SMYD3: variants seen among roughly 807,000 people sequenced by gnomAD.
The protein encoded by SMYD3 is SET and MYND domain containing 3.
SMYD3 carries 36 observed loss-of-function variants against 57.7 expected under a neutral mutation model. That is an observed-to-expected ratio of 0.62 (90% CI 0.48 to 0.82). The LOEUF (loss-of-function observed/expected upper bound fraction) is 0.82, where lower values mean the gene tolerates loss of function less well. SMYD3 is among the 40% of genes least tolerant of loss of function. The pLI is 0.00. For synonymous variants in SMYD3, 211 were observed against 195.0 expected (o/e 1.08, Z -0.68); for missense variants, 515 against 538.8 (o/e 0.96, Z 0.44).
intron 1 of SMYD3, among the ~76,000 whole-genome samples, chr1:246,375,268 CTT>C (rs1344955902): frequency 7.0e-6 from 1 of 142,508 alleles, no homozygotes; most frequent in Non-Finnish European, 1.5e-5. Flanking sequence ...TTCACAGTAA[CTT>C]TATAAAACAT....
At chr1:246,081,980 A>G (rs1349309432) in intron 5 of SMYD3, among the ~76,000 whole-genome samples, 4 of 152,208 alleles carry the variant, frequency 2.6e-5, no homozygotes, top group Non-Finnish European at 1.5e-5. Flanking sequence ...GGAGTTCTGA[A>G]ACCACGTTTG....
intron 5 of SMYD3, among the ~76,000 whole-genome samples, chr1:246,234,977 T>C (rs2063490019): frequency 6.6e-6 from 1 of 152,144 alleles, no homozygotes; most frequent in Non-Finnish European, 1.5e-5. Context: ...GGTGTGAAAA[T>C]GCACAGATTA....
chr1:246,091,048 T>G, intron 5 of SMYD3, among the ~76,000 whole-genome samples: 1 of 152,138 alleles, frequency 6.6e-6, no homozygotes, highest in Non-Finnish European at 1.5e-5. Context: ...GCCTAAATGT[T>G]AGAACCATAT....
intron 1 of SMYD3, among the ~76,000 whole-genome samples, chr1:246,377,774 A>T (rs1291298993): frequency 1.3e-5 from 2 of 152,200 alleles, no homozygotes; most frequent in Non-Finnish European, 2.9e-5. Context: ...ATTTCTTTAA[A>T]GTATGTATTC....
chr1:246,471,371 T>G (rs918207990), intron 1 of SMYD3, among the ~76,000 whole-genome samples: 1 of 151,470 alleles, frequency 6.6e-6, no homozygotes, highest in Admixed American at 6.6e-5. Flanking sequence ...GTTAATTCTG[T>G]TTTTTTGTAG....
chr1:246,302,562 T>TTA lies in SMYD3; in HGVS notation c.531+24637_531+24638dup, dbSNP rs535473185. Among the ~76,000 whole-genome samples the TTA allele has an allele frequency of 3.4e-4, 52 of 152,042 alleles. No homozygotes were observed. The South Asian group carries it at 8.1e-3, about 24-fold the overall frequency. On this transcript the variant is annotated intron_variant, in intron 5 of 11. Coordinates refer to ENST00000490107, the MANE Select transcript of SMYD3 (RefSeq NM_001167740.2). ...AGAAGACTACTTCTGTTACAATGAT[T>TTA]TATATATATATATTTCAAGTTTAAG...
chr1:245,763,979 G>T, intron 11 of SMYD3, 62 bp downstream of exon 11: 1 of 1,234,300 alleles, frequency 8.1e-7, no homozygotes, highest in Non-Finnish European at 1.2e-6. Flanking sequence ...TCACAAAGAG[G>T]CCCAGCAACA....
At chr1:245,913,513 T>TAA (rs1178301738) in intron 8 of SMYD3, among the ~76,000 whole-genome samples, 1 of 140,218 alleles carries the variant, frequency 7.1e-6, no homozygotes. Context: ...AACTATAATT[T>TAA]AAAAAAAAAA....
At chr1:245,759,149 T>C (rs775881570) in intron 11 of SMYD3, among the ~76,000 whole-genome samples, 2 of 152,228 alleles carry the variant, frequency 1.3e-5, no homozygotes, top group Non-Finnish European at 2.9e-5. Context: ...TTATCTTTTC[T>C]CTTTTTTGGT....
At chr1:245,895,730 T>G (rs762787400) in intron 8 of SMYD3, among the ~76,000 whole-genome samples, 1 of 152,238 alleles carries the variant, frequency 6.6e-6, no homozygotes, top group African/African-American at 2.4e-5. Flanking sequence ...ATAGCCCAGG[T>G]GATGTACAGC....
chr1:246,169,616 A>G (rs1020251256), intron 5 of SMYD3, among the ~76,000 whole-genome samples: 1 of 152,118 alleles, frequency 6.6e-6, no homozygotes, highest in Admixed American at 6.5e-5. Flanking sequence ...CCAGCTCTAA[A>G]GATACAGCAA....
intron 5 of SMYD3, among the ~76,000 whole-genome samples, chr1:246,287,778 C>T (rs548451320): frequency 6.6e-6 from 1 of 152,268 alleles, no homozygotes; most frequent in Admixed American, 6.5e-5. Context: ...TCAATTATGA[C>T]ACCTATAAAT....
intron 1 of SMYD3, among the ~76,000 whole-genome samples, chr1:246,433,287 C>T (rs919578834): frequency 2.0e-5 from 3 of 152,114 alleles, no homozygotes; most frequent in Non-Finnish European, 4.4e-5. Context: ...AGGAAAACTA[C>T]AAAACACTGC....
At chr1:246,384,932 C>T (rs1440482639) in intron 1 of SMYD3, among the ~76,000 whole-genome samples, 1 of 152,072 alleles carries the variant, frequency 6.6e-6, no homozygotes, top group Non-Finnish European at 1.5e-5. Flanking sequence ...ACCCATGGGA[C>T]ATTACATAAT....
At chr1:245,753,751 A>G (rs1015045911) in intron 11 of SMYD3, among the ~76,000 whole-genome samples, 1 of 152,232 alleles carries the variant, frequency 6.6e-6, no homozygotes, top group Non-Finnish European at 1.5e-5. Flanking sequence ...AAAAGTTACA[A>G]TAAATTTCTG....
rs117555795 is a variant in SMYD3, at chr1:246,504,939, C to T, written c.164+2115G>A. 2.0e-4 allele frequency among the ~76,000 whole-genome samples: 31 copies of T among 152,322 alleles called. No individual in the cohort carries two copies. In the East Asian group the frequency reaches 5.2e-3, roughly 26 times the overall value. Reference sequence around the variant, plus strand: ...GCATCAAACAATGCGCTAACATTTCCCTAACACTATTTTCAGGTTGCAGTG... The same window carrying T: ...GCATCAAACAATGCGCTAACATTTCTCTAACACTATTTTCAGGTTGCAGTG... On this transcript the variant is annotated intron_variant, in intron 1 of 11. Coordinates refer to ENST00000490107, the MANE Select transcript of SMYD3 (RefSeq NM_001167740.2).
chr1:246,440,933 T>A (rs966056480), intron 1 of SMYD3, among the ~76,000 whole-genome samples: 4 of 152,166 alleles, frequency 2.6e-5, no homozygotes, highest in African/African-American at 7.2e-5. Flanking sequence ...CAGTGCCATG[T>A]GTGTAAGACT....
intron 1 of SMYD3, among the ~76,000 whole-genome samples, chr1:246,480,578 A>G (rs1005554771): frequency 2.0e-5 from 3 of 152,198 alleles, no homozygotes; most frequent in Admixed American, 6.5e-5. Flanking sequence ...GAAAGGGGAA[A>G]AGATATAACT....
intron 5 of SMYD3, among the ~76,000 whole-genome samples, chr1:246,252,913 T>C (rs2063819700): frequency 6.6e-6 from 1 of 152,336 alleles, no homozygotes; most frequent in African/African-American, 2.4e-5. Context: ...ATTTTCTTCA[T>C]TACACACTGA....
Sources: gnomAD v4.1 joint callset for allele counts (sites outside exome capture counted in the v4.1 genomes callset) on GRCh38, gnomAD v4.1.1 for gene constraint, MANE v1.5 for transcripts, NCBI Gene and HGNC (gene_info 2026-07-23, HGNC 2026-07-21) for gene names.